VEPH1: variants seen among roughly 807,000 people sequenced by gnomAD.
VEPH1 encodes ventricular zone expressed PH domain containing 1.
Under a neutral mutation model 85.2 loss-of-function variants are expected in VEPH1, and 80 were observed. That is an observed-to-expected ratio of 0.94 (90% CI 0.78 to 1.13). The LOEUF (loss-of-function observed/expected upper bound fraction) is 1.13, where lower values mean the gene tolerates loss of function less well. Among genes scored for constraint, VEPH1 ranks in the 50% most tolerant of loss-of-function variants. The probability of loss-of-function intolerance (pLI) is 0.00; values close to 1 mark genes in which losing one functional copy is unlikely to be tolerated. For synonymous variants in VEPH1, 297 were observed against 348.0 expected, an observed-to-expected ratio of 0.85 and a Z score of 1.63; for missense variants, 955 against 980.5, an observed-to-expected ratio of 0.97 and a Z score of 0.35.
intron 6 of VEPH1, among the ~76,000 whole-genome samples, chr3:157,384,245 T>C (rs903827067): frequency 2.6e-5 from 4 of 152,192 alleles, no homozygotes; most frequent in African/African-American, 9.6e-5. Flanking sequence ...ACATTTGAAT[T>C]TGGCAAGGTT....
At chr3:157,452,352 C>A (rs1324402502) in intron 4 of VEPH1, among the ~76,000 whole-genome samples, 1 of 151,966 alleles carries the variant, frequency 6.6e-6, no homozygotes, top group Non-Finnish European at 1.5e-5. Flanking sequence ...ATATGAAAGT[C>A]GGAGCTAGTT....
At chr3:157,274,712 C>T (rs1715161567) in intron 12 of VEPH1, among the ~76,000 whole-genome samples, 1 of 152,102 alleles carries the variant, frequency 6.6e-6, no homozygotes, top group Non-Finnish European at 1.5e-5. Flanking sequence ...GCTGCCCAGG[C>T]TGGACTTGAA....
At chr3:157,419,271 G>A (rs1303399828) in intron 5 of VEPH1, among the ~76,000 whole-genome samples, 1 of 152,104 alleles carries the variant, frequency 6.6e-6, no homozygotes, top group African/African-American at 2.4e-5. Flanking sequence ...ATAGGCACAG[G>A]CAAAGATTCA....
At chr3:157,321,829 C>T (rs1486936129) in intron 9 of VEPH1, among the ~76,000 whole-genome samples, 1 of 152,118 alleles carries the variant, frequency 6.6e-6, no homozygotes, top group African/African-American at 2.4e-5. Context: ...ATGATTTTTA[C>T]ATTTTAATTT....
At chr3:157,297,494 T>C (rs912672994) in intron 11 of VEPH1, among the ~76,000 whole-genome samples, 1 of 152,018 alleles carries the variant, frequency 6.6e-6, no homozygotes, top group Non-Finnish European at 1.5e-5. Flanking sequence ...AATGGTGCAA[T>C]GAGATGCATA....
chr3:157,337,375 A>C (rs1723065905), intron 9 of VEPH1, among the ~76,000 whole-genome samples: 1 of 152,202 alleles, frequency 6.6e-6, no homozygotes, highest in African/African-American at 2.4e-5. Context: ...TAGCAAAGGC[A>C]GCTATAATTG....
At chr3:157,276,241 T>C (rs780193755) in intron 12 of VEPH1, among the ~76,000 whole-genome samples, 40 of 152,230 alleles carry the variant, frequency 2.6e-4, no homozygotes, top group Admixed American at 5.2e-4. Flanking sequence ...TCAAAACATA[T>C]GCTTCTCTGA....
intron 12 of VEPH1, among the ~76,000 whole-genome samples, chr3:157,274,865 G>GACTGTAAACTT (rs1715182578): frequency 6.6e-6 from 1 of 152,070 alleles, no homozygotes; most frequent in Non-Finnish European, 1.5e-5. Context: ...ACAGTAAACT[G>GACTGTAAACTT]CCATTTACAA....
At chr3:157,477,191 T>C (rs1226095032) in intron 2 of VEPH1, among the ~76,000 whole-genome samples, 1 of 86,854 alleles carries the variant, frequency 1.2e-5, no homozygotes, top group Admixed American at 1.2e-4. Flanking sequence ...TCTGAGGGCA[T>C]TTTTTTTTTT....
At chr3:157,349,329 A>G (rs1230804016) in intron 9 of VEPH1, among the ~76,000 whole-genome samples, 1 of 152,258 alleles carries the variant, frequency 6.6e-6, no homozygotes, top group Non-Finnish European at 1.5e-5. Context: ...AGAAAATTCA[A>G]TGTCCGTTCA....
At chr3:157,443,900 T>C (rs575320545) in intron 4 of VEPH1, among the ~76,000 whole-genome samples, 1 of 152,222 alleles carries the variant, frequency 6.6e-6, no homozygotes, top group Admixed American at 6.5e-5. Context: ...TATACAACTT[T>C]CTGTACTGTG....
At chr3:157,314,494 T>C (rs1265253688) in intron 10 of VEPH1, among the ~76,000 whole-genome samples, 1 of 152,022 alleles carries the variant, frequency 6.6e-6, no homozygotes, top group East Asian at 1.9e-4. Context: ...CTTTGTAATA[T>C]AGTGTTTATC....
At chr3:157,361,742 G>C (rs1277631120) in intron 9 of VEPH1, among the ~76,000 whole-genome samples, 3 of 152,196 alleles carry the variant, frequency 2.0e-5, no homozygotes, top group Admixed American at 6.5e-5. Context: ...CTAGCACTAT[G>C]GCATTTTAGG....
At chr3:157,487,464 C>T (rs1291133816) in intron 2 of VEPH1, among the ~76,000 whole-genome samples, 1 of 152,008 alleles carries the variant, frequency 6.6e-6, no homozygotes, top group Non-Finnish European at 1.5e-5. Context: ...ATTTATAGTG[C>T]CAGAGAGTTT....
chr3:157,448,568 C>A lies in VEPH1; in HGVS notation c.529+11613G>T, dbSNP rs534735227. ...GGGTCTTCAATAATATTTTCAGCTT[C>A]TTGAGTGAAAGATATGCTAACTTGT... On this transcript the variant is annotated intron_variant, in intron 4 of 13. Transcript: ENST00000362010. Among the ~76,000 whole-genome samples the A allele has an allele frequency of 1.0e-3, 156 of 152,234 alleles. 5 individuals are homozygous for A. In the South Asian group the frequency reaches 0.031, roughly 30 times the overall value.
At chr3:157,299,108 A>G (rs1364575557) in intron 11 of VEPH1, among the ~76,000 whole-genome samples, 3 of 152,182 alleles carry the variant, frequency 2.0e-5, no homozygotes, top group Non-Finnish European at 4.4e-5. Context: ...TTTGTGGTGT[A>G]TATTTGTGAG....
At chr3:157,495,797 G>A (rs1739616540) in intron 1 of VEPH1, among the ~76,000 whole-genome samples, 1 of 152,124 alleles carries the variant, frequency 6.6e-6, no homozygotes, top group African/African-American at 2.4e-5. Context: ...ATGTCACAAG[G>A]AAAAACAACA....
chr3:157,461,010 G>A (rs1172038177), intron 3 of VEPH1, among the ~76,000 whole-genome samples: 1 of 152,062 alleles, frequency 6.6e-6, no homozygotes, highest in East Asian at 1.9e-4. Context: ...AAAACCTAAG[G>A]AATGTTGAAC....
intron 11 of VEPH1, among the ~76,000 whole-genome samples, chr3:157,311,778 A>T (rs1442390212): frequency 1.3e-5 from 2 of 152,220 alleles, no homozygotes; most frequent in Non-Finnish European, 2.9e-5. Flanking sequence ...GTTAAAATAC[A>T]GTTAGCAATA....
Sources: gnomAD v4.1 joint callset for allele counts (sites outside exome capture counted in the v4.1 genomes callset) on GRCh38, gnomAD v4.1.1 for gene constraint, MANE v1.5 for transcripts, NCBI Gene and HGNC (gene_info 2026-07-23, HGNC 2026-07-21) for gene names.